JAKMIP3: variants seen among roughly 807,000 people sequenced by gnomAD.
JAKMIP3 encodes the protein Janus kinase and microtubule interacting protein 3.
In JAKMIP3, 58 loss-of-function variants were observed where a neutral mutation model predicts 118.5. That is an observed-to-expected ratio of 0.49 (90% confidence interval 0.40 to 0.61). The LOEUF is 0.61. JAKMIP3 is among the 20% of genes least tolerant of loss of function. The probability of loss-of-function intolerance (pLI) is 0.00; values close to 1 mark genes in which losing one functional copy is unlikely to be tolerated. For missense variants in JAKMIP3, 950 were observed against 1,109.0 expected, an observed-to-expected ratio of 0.86 and a Z score of 2.04; for synonymous variants, 486 against 451.2, an observed-to-expected ratio of 1.08 and a Z score of -0.98.
chr10:132,097,221 T>C (rs12573615), intron 1 of JAKMIP3, among the ~76,000 whole-genome samples: 93,086 of 151,954 alleles, frequency 0.61, 28,773 homozygotes, highest in East Asian at 0.71. Context: ...ATCCAGCTGC[T>C]GTAGAGCCCG....
intron 3 of JAKMIP3, among the ~76,000 whole-genome samples, chr10:132,132,173 A>G (rs2050768148): frequency 6.6e-6 from 1 of 152,244 alleles, no homozygotes; most frequent in Non-Finnish European, 1.5e-5. Context: ...TGCTCCATCC[A>G]GGCTAATTAG....
Position 132,055,824 on chromosome 10 carries a change from G to C in JAKMIP3, c.-138+19086G>C, listed in dbSNP as rs78161504. On this transcript the variant is annotated intron_variant, in intron 1 of 23. Transcript: ENST00000657785. ...TGCCATCAGGCGACCTGGAGGTGCA[G>C]AGAGCCCAGTAATTAGCCTTCTCCC... is the stretch of plus-strand genomic sequence containing the variant. Among the ~76,000 whole-genome samples, 273 of 152,330 alleles carry C rather than the reference G, an allele frequency of 1.8e-3. 1 individual carries two copies. The highest frequency in any genetic ancestry group is 6.4e-3 in the African/African-American group (266 of 41,568).
upstream of JAKMIP3, among the ~76,000 whole-genome samples, chr10:132,063,916 C>T (rs371359819): frequency 6.6e-6 from 1 of 152,202 alleles, no homozygotes. Flanking sequence ...GAGTGCAACA[C>T]ACACAGGCAC....
intron 1 of JAKMIP3, among the ~76,000 whole-genome samples, chr10:132,041,513 C>T (rs747637964): frequency 1.3e-5 from 2 of 152,234 alleles, no homozygotes; most frequent in African/African-American, 2.4e-5. Flanking sequence ...GCCCCTCTGC[C>T]GCGTGTCCCC....
At chr10:132,097,498 A>C (rs1432665390) in intron 1 of JAKMIP3, among the ~76,000 whole-genome samples, 1 of 151,912 alleles carries the variant, frequency 6.6e-6, no homozygotes, top group Non-Finnish European at 1.5e-5. Context: ...TGAAATGGCA[A>C]AATTATGTAG....
intron 1 of JAKMIP3, among the ~76,000 whole-genome samples, chr10:132,080,412 C>A (rs2134185015): frequency 6.6e-6 from 1 of 150,530 alleles, no homozygotes; most frequent in South Asian, 2.1e-4. Context: ...TGCTTATTGG[C>A]CATTTGTATA....
rs1056061288 is a variant in JAKMIP3 at position 132,150,172 on chromosome 10, A to G, written c.2007+131A>G. On this transcript the variant is annotated intron_variant, in intron 16 of 23. Coordinates refer to ENST00000684848, the MANE Select transcript of JAKMIP3 (RefSeq NM_001323087.2). ...GCCACCCTGCCTGAGACCCTCCACT[A>G]GGCCCAGAGCCTGCTCAGAATCGGA... 4.2e-5 allele frequency: 28 copies of G among 670,262 alleles called. 1 individual carries two copies. The East Asian group carries it at 8.1e-4, about 19-fold the overall frequency. 41.5% of individuals were successfully genotyped at this position (670,262 alleles called of 1,614,324 possible). A position where few individuals can be genotyped will look rare whatever the true frequency, so the allele number is the denominator to read the frequency against.
At position 132,112,047 on chromosome 10, in the gene JAKMIP3, G is replaced by A. The variant is rs78045619; in HGVS notation, c.136-5030G>A. On this transcript the variant is annotated intron_variant, in intron 2 of 23. Coordinates refer to ENST00000684848, the MANE Select transcript of JAKMIP3 (RefSeq NM_001323087.2). This position sits in a 1 kb window ranked among gnomAD's most constrained non-coding sequence, Gnocchi z 4.3. ...GTTGGCAGGCGGGGGTAGAGCGTGC[G>A]GGTGGACGGTGCATGGGATGCTCCA... Among the ~76,000 whole-genome samples, 1,582 of 152,168 alleles carry A rather than the reference G, an allele frequency of 0.01. 19 individuals carry two copies. The highest frequency in any genetic ancestry group is 0.019 in the African/African-American group (803 of 41,498).
intron 2 of JAKMIP3, among the ~76,000 whole-genome samples, 196 bp from the exon 3 acceptor site, chr10:132,116,881 G>T (rs1168089692): frequency 6.8e-6 from 1 of 147,828 alleles, no homozygotes; most frequent in African/African-American, 2.5e-5. Context: ...TACACATTCA[G>T]GTGTGAGTGT....
intron 1 of JAKMIP3, among the ~76,000 whole-genome samples, chr10:132,041,570 G>A (rs142016658): frequency 6.6e-6 from 1 of 152,254 alleles, no homozygotes; most frequent in Non-Finnish European, 1.5e-5. Flanking sequence ...TGGGAGACTT[G>A]GCTGGGGCTG....
chr10:132,099,395 G>A (rs1466537378), intron 1 of JAKMIP3, among the ~76,000 whole-genome samples: 2 of 152,204 alleles, frequency 1.3e-5, no homozygotes. Context: ...TGGGAAATAA[G>A]TTGTTTTATT....
At chr10:132,094,992 G>C (rs1024018864) in intron 1 of JAKMIP3, among the ~76,000 whole-genome samples, 1 of 152,138 alleles carries the variant, frequency 6.6e-6, no homozygotes, top group African/African-American at 2.4e-5. Context: ...GAGTCATGCA[G>C]GTTGTCAAGG....
At chr10:132,159,776 T>C (rs71512281) in intron 19 of JAKMIP3, among the ~76,000 whole-genome samples, 2,107 of 6,692 alleles carry the variant, frequency 0.31, 168 homozygotes, top group African/African-American at 0.41. Context: ...TACTGGGGGG[T>C]CTCTTCCTGT....
chr10:132,155,276 G>A (rs2056957640), intron 19 of JAKMIP3, among the ~76,000 whole-genome samples: 1 of 152,084 alleles, frequency 6.6e-6, no homozygotes, highest in South Asian at 2.1e-4. Context: ...TATAATGACA[G>A]CCTACTCAAG....
rs558809111 is a variant in JAKMIP3, at chr10:132,118,694, G to C, written c.633+1120G>C. Among the ~76,000 whole-genome samples the C allele has an allele frequency of 6.6e-6, 1 of 152,200 alleles. No individual in the cohort carries two copies. The highest frequency in any genetic ancestry group is 6.5e-5 in the Admixed American group (1 of 15,284). On this transcript the variant is annotated intron_variant, in intron 3 of 23. Transcript: ENST00000684848. This position sits in a 1 kb window ranked among gnomAD's most constrained non-coding sequence, Gnocchi z 4.8. ...GGGTGCCCCCAAACGTGCCTAACCC[G>C]GGTGATTCCCTTCCTTTCCAAAGTG...
chr10:132,062,159 T>G (rs1019691164), upstream of JAKMIP3, among the ~76,000 whole-genome samples: 7 of 151,868 alleles, frequency 4.6e-5, no homozygotes, highest in African/African-American at 1.7e-4. Flanking sequence ...GGGCAGCCAG[T>G]GAGTGGCTGA....
rs539746733 is a variant in JAKMIP3, at chr10:132,145,097, C to G, written c.1603-10C>G. ...AGAAAATTTGATGTATCTTTCCTCCCGTCCTACAGACCCGTGAGCAGCTAC... is the reference window on the plus strand; with the variant it reads ...AGAAAATTTGATGTATCTTTCCTCCGGTCCTACAGACCCGTGAGCAGCTAC... On this transcript the variant is annotated splice_polypyrimidine_tract_variant and intron_variant, in intron 11 of 23. Transcript: ENST00000684848. The G allele has an allele frequency of 1.2e-6, 2 of 1,609,952 alleles. No individual in the cohort carries two copies. The highest frequency in any genetic ancestry group is 2.7e-5 in the African/African-American group (2 of 74,884).
chr10:132,180,758 T>TGTGCGC (rs1334620400), intron 23 of JAKMIP3, among the ~76,000 whole-genome samples: 1 of 18,060 alleles, frequency 5.5e-5, no homozygotes, highest in South Asian at 1.8e-3. Context: ...CGCGCGTGTG[T>TGTGCGC]GCGTGTGTGT....
intron 1 of JAKMIP3, among the ~76,000 whole-genome samples, chr10:132,059,292 G>A (rs2038328918): frequency 6.6e-6 from 1 of 152,248 alleles, no homozygotes; most frequent in South Asian, 2.1e-4. Flanking sequence ...TTGGGAGGCT[G>A]GACCCTGTGC....
Sources: allele counts gnomAD v4.1 joint callset (sites outside exome capture counted in the v4.1 genomes callset), GRCh38; gene constraint gnomAD v4.1.1; non-coding constraint Gnocchi (gnomAD v3.1); transcripts MANE v1.5; gene names NCBI Gene and HGNC (gene_info 2026-07-23, HGNC 2026-07-21).